TNKS: variants seen among roughly 807,000 people sequenced by gnomAD.
TNKS encodes the protein tankyrase.
Under a neutral mutation model 135.8 loss-of-function variants are expected in TNKS, and 72 were observed. The ratio of observed to expected loss-of-function variants is 0.53; its 90% CI spans 0.44 to 0.64. The LOEUF is 0.64. Among genes scored for constraint, TNKS ranks in the 30% least tolerant of loss-of-function variants. The probability of loss-of-function intolerance (pLI) is 0.00; values close to 1 mark genes in which losing one functional copy is unlikely to be tolerated. For missense variants in TNKS, 1,769 were observed against 1,674.0 expected (o/e 1.06, Z -0.99); for synonymous variants, 849 against 649.3 (o/e 1.31, Z -4.68).
intron 24 of TNKS, 72 bp downstream of exon 24, chr8:9,765,869 G>A (rs909180607): frequency 5.6e-6 from 7 of 1,255,816 alleles, no homozygotes; most frequent in Non-Finnish European, 4.6e-6. Flanking sequence ...AAAAACCTAC[G>A]TTAAATTGAC....
At chr8:9,764,011 C>T (rs927094049) in intron 22 of TNKS, among the ~76,000 whole-genome samples, 3 of 152,102 alleles carry the variant, frequency 2.0e-5, no homozygotes, top group Non-Finnish European at 4.4e-5. Context: ...ATCAGGAAGG[C>T]ATCATGGGGT....
At chr8:9,581,807 A>G (rs186375158) in intron 2 of TNKS, among the ~76,000 whole-genome samples, 3 of 152,276 alleles carry the variant, frequency 2.0e-5, no homozygotes, top group Admixed American at 1.3e-4. Flanking sequence ...TCTTATTGAA[A>G]TTAGTATTTC....
At chr8:9,685,818 A>G (rs1180141687) in intron 5 of TNKS, among the ~76,000 whole-genome samples, 3 of 152,334 alleles carry the variant, frequency 2.0e-5, no homozygotes, top group South Asian at 2.1e-4. Context: ...AATGCCATAT[A>G]TGGAATTCCA....
chr8:9,584,858 C>T (rs183130909), intron 2 of TNKS, among the ~76,000 whole-genome samples: 5 of 152,244 alleles, frequency 3.3e-5, no homozygotes, highest in East Asian at 1.9e-4. Context: ...AGCTTGCTGG[C>T]GTCCACAGCA....
rs1038827619 is a variant in TNKS, at chr8:9,732,073, C to G, written c.2147+1038C>G. ...AAAGTGCTGGGATTACAGGCGTGAG[C>G]CACTGCACCCAGCCCTATATGAATG... On this transcript the variant is annotated intron_variant, in intron 14 of 26. Coordinates refer to ENST00000310430, the MANE Select transcript of TNKS (RefSeq NM_003747.3). 5.9e-5 allele frequency among the ~76,000 whole-genome samples: 9 copies of G among 152,314 alleles called. No homozygotes were observed. In the South Asian group the frequency reaches 1.9e-3, roughly 32 times the overall value.
In TNKS at chr8:9,580,172, G is replaced by A; in HGVS notation, c.687G>A (p.Lys229=). ...PLHFAAGFGR[K]DVVEHLLQMG... is the part of the protein sequence containing the mutation. ...GTTTCTTTTTAGGTTTTGGAAGGAA[G>A]GATGTTGTAGAACACTTACTACAGA... Residue 229 remains lysine (K), a synonymous_variant, in exon 2 of 27, where the codon AAG becomes AAA. Transcript: ENST00000310430. 6.2e-7 allele frequency: 1 copy of A among 1,614,072 alleles called. No individual in the cohort carries two copies. The highest frequency in any genetic ancestry group is 8.5e-7 in the Non-Finnish European group (1 of 1,179,968).
chr8:9,619,561 G>C (rs970547803), intron 3 of TNKS, among the ~76,000 whole-genome samples: 11 of 152,156 alleles, frequency 7.2e-5, no homozygotes, highest in Admixed American at 2.0e-4. Context: ...GGGTTAAGGG[G>C]ATGTGGAAGG....
At chr8:9,692,115 A>G (rs1803302547) in intron 5 of TNKS, among the ~76,000 whole-genome samples, 1 of 151,926 alleles carries the variant, frequency 6.6e-6, no homozygotes, top group Non-Finnish European at 1.5e-5. Flanking sequence ...GCTTGGGTAA[A>G]TTGTGCGTTA....
chr8:9,678,165 A>G (rs1802625104), intron 3 of TNKS, among the ~76,000 whole-genome samples: 1 of 152,242 alleles, frequency 6.6e-6, no homozygotes, highest in Non-Finnish European at 1.5e-5. Context: ...GGCCTATTGA[A>G]GAAATGTGAC....
chr8:9,758,413 A>G (rs185761321), intron 20 of TNKS, among the ~76,000 whole-genome samples: 1 of 152,160 alleles, frequency 6.6e-6, no homozygotes, highest in East Asian at 1.9e-4. Flanking sequence ...TTCTTTAGTT[A>G]CTTATTTTCA....
intron 3 of TNKS, among the ~76,000 whole-genome samples, chr8:9,664,770 A>G (rs151059674): frequency 3.3e-5 from 5 of 152,358 alleles, no homozygotes; most frequent in African/African-American, 9.6e-5. Flanking sequence ...ATAATTAACA[A>G]GTATACAACT....
At chr8:9,728,859 G>A (rs1805283953) in intron 13 of TNKS, among the ~76,000 whole-genome samples, 1 of 152,110 alleles carries the variant, frequency 6.6e-6, no homozygotes, top group African/African-American at 2.4e-5. Context: ...CCTGTCATGT[G>A]AAAATTACAC....
At chr8:9,608,859 G>A (rs930869905) in intron 2 of TNKS, among the ~76,000 whole-genome samples, 10 of 152,068 alleles carry the variant, frequency 6.6e-5, no homozygotes, top group Admixed American at 6.6e-4. Flanking sequence ...CTTCTTTCAG[G>A]GATCACTGTT....
intron 3 of TNKS, 61 bp from the exon 4 acceptor site, chr8:9,679,890 C>T: frequency 7.5e-7 from 1 of 1,330,882 alleles, no homozygotes; most frequent in Non-Finnish European, 1.1e-6. Context: ...TTGCTGCCTA[C>T]TGCATTTCTT....
chr8:9,678,334 A>G (rs1802635745), intron 3 of TNKS, among the ~76,000 whole-genome samples: 1 of 152,220 alleles, frequency 6.6e-6, no homozygotes, highest in African/African-American at 2.4e-5. Context: ...AATGTTTAAC[A>G]AAGGTAGGTC....
intron 20 of TNKS, among the ~76,000 whole-genome samples, chr8:9,760,875 A>C (rs908945324): frequency 6.6e-6 from 1 of 152,250 alleles, no homozygotes; most frequent in Non-Finnish European, 1.5e-5. Context: ...TAAGTCTGAG[A>C]ATTTATGAGA....
At chr8:9,620,815 C>T (rs1191548862) in intron 3 of TNKS, among the ~76,000 whole-genome samples, 1 of 152,226 alleles carries the variant, frequency 6.6e-6, no homozygotes, top group Non-Finnish European at 1.5e-5. Flanking sequence ...TGATTTCCTT[C>T]ATGGATTTAT....
chr8:9,775,664 TCA>T (rs1319660887), intron 26 of TNKS, among the ~76,000 whole-genome samples: 1 of 151,546 alleles, frequency 6.6e-6, no homozygotes, highest in African/African-American at 2.4e-5. Flanking sequence ...CATTTAGTTC[TCA>T]CAAAAAATCC....
At chr8:9,744,522 A>C (rs895030131) in intron 17 of TNKS, among the ~76,000 whole-genome samples, 2 of 152,158 alleles carry the variant, frequency 1.3e-5, no homozygotes, top group Non-Finnish European at 2.9e-5. Context: ...CAGTCTTTTT[A>C]GGTTGTATTT....
Sources: allele counts gnomAD v4.1 joint callset (sites outside exome capture counted in the v4.1 genomes callset), GRCh38; gene constraint gnomAD v4.1.1; transcripts MANE v1.5; gene names NCBI Gene and HGNC (gene_info 2026-07-23, HGNC 2026-07-21).